CTIF: variants seen among roughly 807,000 people sequenced by gnomAD.
CTIF encodes the protein CBP80/20-dependent translation initiation factor.
CTIF carries 21 observed loss-of-function variants against 66.0 expected under a neutral mutation model. The observed-to-expected ratio is 0.32, with a 90% CI of 0.23 to 0.46. CTIF has a LOEUF of 0.46. Ranked by LOEUF, CTIF falls within the 20% of genes least tolerant of loss-of-function variation. The pLI, the probability that CTIF is intolerant of heterozygous loss-of-function variation, is 1.00. For missense variants in CTIF, 739 were observed against 812.7 expected, an observed-to-expected ratio of 0.91 and a Z score of 1.10; for synonymous variants, 345 against 326.4, an observed-to-expected ratio of 1.06 and a Z score of -0.62.
At chr18:48,562,495 T>A (rs919509442) in intron 1 of CTIF, among the ~76,000 whole-genome samples, 2 of 152,170 alleles carry the variant, frequency 1.3e-5, no homozygotes, top group African/African-American at 4.8e-5. Context: ...GGTCAGCATC[T>A]CCCCCTTGCC....
chr18:48,823,994 AC>A (rs2068534068), intron 10 of CTIF, among the ~76,000 whole-genome samples: 1 of 142,440 alleles, frequency 7.0e-6, no homozygotes, highest in Non-Finnish European at 1.6e-5. Context: ...ACACACACAC[AC>A]ACACACACAC....
chr18:48,857,272 G>A (rs558248781), intron 10 of CTIF, among the ~76,000 whole-genome samples: 20 of 152,330 alleles, frequency 1.3e-4, no homozygotes, highest in Non-Finnish European at 2.4e-4. Context: ...TGATCCCAGC[G>A]CACTCACTGC....
rs9956017 is a variant in CTIF at position 48,656,657 on chromosome 18, A to G, written c.253-7095A>G. 4.5e-3 allele frequency among the ~76,000 whole-genome samples: 687 copies of G among 152,292 alleles called. 9 individuals carry two copies. Among genetic ancestry groups the G allele is most frequent in the African/African-American group, 0.016 (659 of 41,562 alleles). On this transcript the variant is annotated intron_variant, in intron 3 of 11. Coordinates refer to ENST00000256413, the MANE Select transcript of CTIF (RefSeq NM_014772.3). ...CTCTGTGATCTGTTCTGCCAGCAGT[A>G]TGGTGCACCCTGGTATGGGGCCCCC...
intron 7 of CTIF, among the ~76,000 whole-genome samples, chr18:48,723,249 G>A (rs1195513882): frequency 1.3e-5 from 2 of 152,194 alleles, no homozygotes; most frequent in East Asian, 3.9e-4. Context: ...CACATGCACG[G>A]GGAGCTAAAG....
intron 3 of CTIF, among the ~76,000 whole-genome samples, chr18:48,640,366 C>G (rs2090905139): frequency 6.6e-6 from 1 of 152,240 alleles, no homozygotes; most frequent in South Asian, 2.1e-4. Flanking sequence ...CACTTCTGGC[C>G]TAGGGCCTTG....
intron 9 of CTIF, among the ~76,000 whole-genome samples, chr18:48,776,227 A>G (rs998085192): frequency 5.9e-5 from 9 of 152,202 alleles, no homozygotes; most frequent in African/African-American, 2.2e-4. Flanking sequence ...AGGAGAGGGT[A>G]GGGATGCCCA....
At chr18:48,635,342 T>C (rs1056447406) in intron 2 of CTIF, among the ~76,000 whole-genome samples, 1 of 149,854 alleles carries the variant, frequency 6.7e-6, no homozygotes, top group Non-Finnish European at 1.5e-5. Flanking sequence ...TTTTTTTTTT[T>C]TTTTGAGGCT....
chr18:48,560,211 T>C (rs1286170183), intron 1 of CTIF, among the ~76,000 whole-genome samples: 1 of 150,958 alleles, frequency 6.6e-6, no homozygotes. Context: ...AGGAATTTCA[T>C]AGAATTTGGA....
intron 9 of CTIF, among the ~76,000 whole-genome samples, chr18:48,769,606 C>T (rs1909908855): frequency 6.6e-6 from 1 of 152,230 alleles, no homozygotes; most frequent in South Asian, 2.1e-4. Context: ...GAGCTTGACC[C>T]CTGCCCAGGA....
chr18:48,833,075 G>C (rs1157682888), intron 10 of CTIF, among the ~76,000 whole-genome samples: 1 of 152,218 alleles, frequency 6.6e-6, no homozygotes, highest in Non-Finnish European at 1.5e-5. Context: ...TGGGCAAGGG[G>C]AGGCGAGAGG....
At chr18:48,594,634 G>A (rs762483733) in intron 1 of CTIF, among the ~76,000 whole-genome samples, 6 of 152,136 alleles carry the variant, frequency 3.9e-5, no homozygotes, top group Admixed American at 3.9e-4. Context: ...GAAACACCAG[G>A]TGCACGTTGT....
chr18:48,658,311 G>A (rs2091278935), intron 3 of CTIF, among the ~76,000 whole-genome samples: 1 of 152,060 alleles, frequency 6.6e-6, no homozygotes, highest in Non-Finnish European at 1.5e-5. Flanking sequence ...TGTGTGGCAT[G>A]TGCCTGTATG....
intron 9 of CTIF, among the ~76,000 whole-genome samples, chr18:48,778,875 G>C (rs1330531895): frequency 6.6e-6 from 1 of 152,194 alleles, no homozygotes; most frequent in Non-Finnish European, 1.5e-5. Context: ...TGGTCCCTGG[G>C]GAGCCCAGAA....
At chr18:48,573,517 CAAAGA>C (rs768884127) in intron 1 of CTIF, among the ~76,000 whole-genome samples, 11 of 152,330 alleles carry the variant, frequency 7.2e-5, no homozygotes, top group South Asian at 4.1e-4. Context: ...AACATACCAA[CAAAGA>C]AATTTAACAA....
chr18:48,767,425 T>C (rs1458573777), intron 9 of CTIF, among the ~76,000 whole-genome samples: 1 of 152,100 alleles, frequency 6.6e-6, no homozygotes, highest in Non-Finnish European at 1.5e-5. Flanking sequence ...GAGACAGGCT[T>C]GGGTAGTACA....
At chr18:48,659,664 A>G (rs553759210) in intron 3 of CTIF, among the ~76,000 whole-genome samples, 2 of 152,154 alleles carry the variant, frequency 1.3e-5, no homozygotes, top group African/African-American at 2.4e-5. Flanking sequence ...AGTTAACAAG[A>G]CTCAAGCCTT....
chr18:48,613,892 C>T (rs1026433008), intron 1 of CTIF, among the ~76,000 whole-genome samples: 9 of 152,186 alleles, frequency 5.9e-5, no homozygotes, highest in South Asian at 2.1e-4. Flanking sequence ...CAGGGCTGCC[C>T]GCCCCTGTGG....
chr18:48,817,937 C>A (rs904731047), intron 10 of CTIF, among the ~76,000 whole-genome samples: 1 of 152,206 alleles, frequency 6.6e-6, no homozygotes, highest in Admixed American at 6.5e-5. Context: ...CATTCCCAAT[C>A]GGGAGCACTG....
intron 1 of CTIF, among the ~76,000 whole-genome samples, chr18:48,588,181 C>T (rs963034499): frequency 1.3e-5 from 2 of 152,314 alleles, no homozygotes; most frequent in South Asian, 2.1e-4. Context: ...CTTCCTTGCT[C>T]GCATCCTCAT....
Sources: allele counts gnomAD v4.1 joint callset (sites outside exome capture counted in the v4.1 genomes callset), GRCh38; gene constraint gnomAD v4.1.1; transcripts MANE v1.5; gene names NCBI Gene and HGNC (gene_info 2026-07-23, HGNC 2026-07-21).